The following DACH2 variants were observed in gnomAD, a reference collection of about 807,000 sequenced individuals.
DACH2 encodes the protein dachshund family transcription factor 2.
DACH2 carries 17 observed loss-of-function variants against 35.8 expected under a neutral mutation model. The observed-to-expected ratio is 0.48, with a 90% confidence interval of 0.33 to 0.71. DACH2 has a LOEUF of 0.71. Ranked by LOEUF, DACH2 falls within the 30% of genes least tolerant of loss-of-function variation. The pLI, the probability that DACH2 is intolerant of heterozygous loss-of-function variation, is 0.02. For synonymous variants in DACH2, 195 were observed against 177.3 expected (o/e 1.10, Z -0.79); for missense variants, 469 against 472.7 (o/e 0.99, Z 0.07).
At chrX:86,425,523 A>T (rs1162938661) in intron 2 of DACH2, among the ~76,000 whole-genome samples, 1 of 110,973 alleles carries the variant, frequency 9.0e-6, no homozygotes, top group Non-Finnish European at 1.9e-5. Context: ...ATCATTTGTT[A>T]TGTCTCCTTT....
At chrX:86,384,881 G>A (rs772504740) in intron 2 of DACH2, among the ~76,000 whole-genome samples, 4 of 111,427 alleles carry the variant, frequency 3.6e-5, no homozygotes, top group East Asian at 2.8e-4. Flanking sequence ...ATAAAACATC[G>A]AAGCCTGTTA....
In DACH2 at chrX:86,813,259, G is replaced by A; in HGVS notation, c.1519G>A (p.Val507Ile). ...IRENLERQLA[V>I]ELQSRTTMQK... is the part of the protein sequence containing the mutation. Reference sequence around the variant, plus strand: ...AGAAAACCTTGAAAGACAACTTGCAGTTGAGCTTCAAAGCAGAAGTAAGTT... The same window carrying A: ...AGAAAACCTTGAAAGACAACTTGCAATTGAGCTTCAAAGCAGAAGTAAGTT... Residue 507 changes from valine (V) to isoleucine (I), a missense_variant, in exon 9 of 12, where the codon GTT becomes ATT. Val to Ile is a conservative substitution (Grantham distance 29). This residue lies in a region of DACH2 where 363 missense variants were observed against 334.4 expected (regional missense o/e 1.09). Coordinates refer to ENST00000373125, the MANE Select transcript of DACH2 (RefSeq NM_053281.3). 1 of 1,200,066 alleles carries A rather than the reference G, an allele frequency of 8.3e-7. No homozygotes were observed. Among genetic ancestry groups the A allele is most frequent in the South Asian group, 1.8e-5 (1 of 54,715 alleles).
chrX:86,257,951 A>T (rs1485212840), intron 1 of DACH2, among the ~76,000 whole-genome samples: 1 of 111,071 alleles, frequency 9.0e-6, no homozygotes. Context: ...TACAGATCGG[A>T]TAGGGTCTAG....
chrX:86,555,849 A>T (rs1281337417), intron 3 of DACH2, among the ~76,000 whole-genome samples: 6 of 111,670 alleles, frequency 5.4e-5, no homozygotes, highest in East Asian at 5.7e-4. Context: ...ATGCAGTACC[A>T]GGGGAAATAA....
chrX:86,628,298 T>G (rs2040160295), intron 3 of DACH2, among the ~76,000 whole-genome samples: 1 of 112,464 alleles, frequency 8.9e-6, no homozygotes, highest in African/African-American at 3.2e-5. Context: ...TTCATTCCAC[T>G]TAGATTCTCT....
chrX:86,376,456 T>C (rs1013369694), intron 1 of DACH2, among the ~76,000 whole-genome samples: 1 of 110,389 alleles, frequency 9.1e-6, no homozygotes, highest in African/African-American at 3.3e-5. Flanking sequence ...TGAATTTTTT[T>C]GGAATTGTTA....
chrX:86,439,748 T>C (rs942396177), intron 2 of DACH2, among the ~76,000 whole-genome samples: 1 of 111,932 alleles, frequency 8.9e-6, no homozygotes, highest in Admixed American at 9.5e-5. Context: ...CATTTCTAAT[T>C]TGTGCCTTCA....
intron 1 of DACH2, among the ~76,000 whole-genome samples, chrX:86,206,238 G>A (rs2032307822): frequency 9.1e-6 from 1 of 109,337 alleles, no homozygotes; most frequent in South Asian, 3.9e-4. Context: ...TATACATTCA[G>A]CCTGTTTTTA....
intron 3 of DACH2, among the ~76,000 whole-genome samples, chrX:86,614,144 T>C (rs2039978467): frequency 8.9e-6 from 1 of 111,928 alleles, no homozygotes; most frequent in Non-Finnish European, 1.9e-5. Flanking sequence ...TCTTTATTGA[T>C]TTTTATACAG....
chrX:86,201,488 T>A (rs1442197932), intron 1 of DACH2, among the ~76,000 whole-genome samples: 1 of 111,516 alleles, frequency 9.0e-6, no homozygotes, highest in Non-Finnish European at 1.9e-5. Flanking sequence ...TTAGTTAAAA[T>A]CAATTTTCTC....
At chrX:86,583,990 T>C (rs1472628860) in intron 3 of DACH2, among the ~76,000 whole-genome samples, 3 of 111,324 alleles carry the variant, frequency 2.7e-5, no homozygotes, top group Non-Finnish European at 5.7e-5. Flanking sequence ...GAAGAGATTA[T>C]ATAGAATTGG....
chrX:86,289,090 T>A (rs538438190), intron 1 of DACH2, among the ~76,000 whole-genome samples: 33 of 109,528 alleles, frequency 3.0e-4, no homozygotes, highest in African/African-American at 9.3e-4. Context: ...GCACTTCAGT[T>A]AGCAGGTGAT....
At chrX:86,562,813 A>G (rs1437777575) in intron 3 of DACH2, among the ~76,000 whole-genome samples, 1 of 111,681 alleles carries the variant, frequency 9.0e-6, no homozygotes, top group Non-Finnish European at 1.9e-5. Flanking sequence ...TGACTACATG[A>G]TATGTTGATA....
Position 86,170,266 on chromosome X carries a change from C to G in DACH2, c.488+21158C>G, listed in dbSNP as rs1271373410. Among the ~76,000 whole-genome samples, 22 of 111,836 alleles carry G rather than the reference C, an allele frequency of 2.0e-4. No homozygotes were observed. The Admixed American group carries it at 2.1e-3, about 11-fold the overall frequency. Reference sequence around the variant, plus strand: ...GACACAAGCACCCCTGTTGCCACTACCGCTATGACTGCACTGGGTCAGATC... The same window carrying G: ...GACACAAGCACCCCTGTTGCCACTAGCGCTATGACTGCACTGGGTCAGATC... On this transcript the variant is annotated intron_variant, in intron 1 of 11. Transcript: ENST00000373125.
At chrX:86,681,424 G>GA (rs2040879534) in intron 4 of DACH2, among the ~76,000 whole-genome samples, 1 of 109,509 alleles carries the variant, frequency 9.1e-6, no homozygotes, top group Non-Finnish European at 1.9e-5. Flanking sequence ...ACAGAAAATA[G>GA]AAAAAATTAG....
At chrX:86,226,370 A>C (rs1461486122) in intron 1 of DACH2, among the ~76,000 whole-genome samples, 1 of 110,373 alleles carries the variant, frequency 9.1e-6, no homozygotes, top group African/African-American at 3.3e-5. Context: ...AGTGGAAAAA[A>C]GTACCTGGTT....
chrX:86,721,683 C>T (rs1281469795), intron 6 of DACH2, among the ~76,000 whole-genome samples: 1 of 111,251 alleles, frequency 9.0e-6, no homozygotes, highest in Non-Finnish European at 1.9e-5. Flanking sequence ...ACAGCAGTGC[C>T]GCACTATCTC....
chrX:86,474,944 G>T (rs189556517), intron 2 of DACH2, among the ~76,000 whole-genome samples: 253 of 111,231 alleles, frequency 2.3e-3, no homozygotes, highest in African/African-American at 8.2e-3. Context: ...ATGTTGGCCA[G>T]GCTGGTCTCA....
chrX:86,167,589 A>G (rs1393851551), intron 1 of DACH2, among the ~76,000 whole-genome samples: 2 of 109,726 alleles, frequency 1.8e-5, no homozygotes, highest in African/African-American at 3.3e-5. Context: ...ACTAATTTTG[A>G]GTTTGATTTG....
Sources: allele counts gnomAD v4.1 joint callset (sites outside exome capture counted in the v4.1 genomes callset), GRCh38; gene constraint gnomAD v4.1.1; regional missense constraint gnomAD v4.1.1; transcripts MANE v1.5; gene names NCBI Gene and HGNC (gene_info 2026-07-23, HGNC 2026-07-21).